Variants in ACO1 observed in about 807,000 individuals in gnomAD.
ACO1 encodes the protein cytoplasmic aconitate hydratase.
ACO1 carries 78 observed loss-of-function variants against 105.1 expected under a neutral mutation model. That is an observed-to-expected ratio of 0.74 (90% CI 0.62 to 0.90). The LOEUF is 0.90. Among genes scored for constraint, ACO1 ranks in the 40% least tolerant of loss-of-function variants. The pLI is 0.00. For missense variants in ACO1, 965 were observed against 1,111.1 expected, an observed-to-expected ratio of 0.87 and a Z score of 1.87; for synonymous variants, 364 against 397.4, an observed-to-expected ratio of 0.92 and a Z score of 1.00.
rs1291243855 is a variant in ACO1, at chr9:32,439,369, C to T, written c.2248-1096C>T. Among the ~76,000 whole-genome samples, 1 of 152,134 alleles carries T rather than the reference C, an allele frequency of 6.6e-6. No individual in the cohort carries two copies. Among genetic ancestry groups the T allele is most frequent in the Admixed American group, 6.5e-5 (1 of 15,270 alleles). On this transcript the variant is annotated intron_variant, in intron 18 of 20. Transcript: ENST00000309951. The surrounding 1 kb of genome is among the most constrained non-coding windows in gnomAD (Gnocchi z 4.0). ...CCTATCCGGGTTTAGGTAATGCATGCGAAATTAACCACAGGTTCCATCAGT... is the reference window on the plus strand; with the variant it reads ...CCTATCCGGGTTTAGGTAATGCATGTGAAATTAACCACAGGTTCCATCAGT...
intron 1 of ACO1, among the ~76,000 whole-genome samples, chr9:32,395,132 T>C (rs980148479): frequency 1.3e-5 from 2 of 151,982 alleles, no homozygotes; most frequent in Admixed American, 6.6e-5. Context: ...TTTGTAATAC[T>C]TTTTTTTGAA....
rs1426445003 is a variant in ACO1 at position 32,399,946 on chromosome 9, T to C, written c.-22-5539T>C. On this transcript the variant is annotated intron_variant, in intron 1 of 20. Transcript: ENST00000309951. ...TGTTGCTACAGTGAGCATCTATTTCTTTTATTTTTTTCTTTTTCTGTTTTT... is the reference window on the plus strand; with the variant it reads ...TGTTGCTACAGTGAGCATCTATTTCCTTTATTTTTTTCTTTTTCTGTTTTT... Among the ~76,000 whole-genome samples, 3 of 149,150 alleles carry C rather than the reference T, an allele frequency of 2.0e-5. No homozygotes were observed. The South Asian group carries it at 6.3e-4, about 31-fold the overall frequency.
intron 18 of ACO1, 136 bp downstream of exon 18, chr9:32,436,533 C>A: frequency 1.0e-6 from 1 of 969,524 alleles, no homozygotes; most frequent in Non-Finnish European, 1.6e-6. Context: ...GTCCTCCTTG[C>A]CAGGTGTCCA....
intron 1 of ACO1, among the ~76,000 whole-genome samples, chr9:32,392,141 TA>T (rs942936801): frequency 3.3e-5 from 5 of 152,204 alleles, no homozygotes; most frequent in Admixed American, 6.5e-5. Context: ...AAATGAGATT[TA>T]TTTTTTTTAA....
Position 32,408,516 on chromosome 9 carries a change from G to A in ACO1, c.269G>A (p.Gly90Asp), listed in dbSNP as rs1821663683. Residue 90 changes from glycine (G) to aspartate (D), a missense_variant and splice_region_variant, in exon 4 of 21, where the codon GGT becomes GAT. Physicochemically the swap from Gly to Asp is moderately conservative, Grantham distance 94. Coordinates refer to ENST00000309951, the MANE Select transcript of ACO1 (RefSeq NM_002197.3). ...PARVILQDFTGVPAVVDFAAM... is the reference protein window; with the variant it reads ...PARVILQDFTDVPAVVDFAAM... Reference sequence around the variant, plus strand: ...CATTATTCTCTTTCTTCTCTTAGGGGTGTGCCCGCTGTGGTTGACTTTGCT... The same window carrying A: ...CATTATTCTCTTTCTTCTCTTAGGGATGTGCCCGCTGTGGTTGACTTTGCT... 1.2e-6 allele frequency: 2 copies of A among 1,614,038 alleles called. No homozygotes were observed. The highest frequency in any genetic ancestry group is 1.7e-6 in the Non-Finnish European group (2 of 1,179,986).
In ACO1 at chr9:32,409,668, C is replaced by T. The variant is rs1587525340; in HGVS notation, c.404+1017C>T. Among the ~76,000 whole-genome samples the T allele has an allele frequency of 2.0e-5, 3 of 151,802 alleles. No homozygotes were observed. The South Asian group carries it at 6.2e-4, about 32-fold the overall frequency. ...GAGTTTGATACCAGCCTGGGCAACA[C>T]AGGAAGACCATATCTCTACAAATAA... On this transcript the variant is annotated intron_variant, in intron 4 of 20. Transcript: ENST00000309951.
At chr9:32,398,423 G>A (rs1015291113) in intron 1 of ACO1, among the ~76,000 whole-genome samples, 2 of 152,186 alleles carry the variant, frequency 1.3e-5, no homozygotes, top group Non-Finnish European at 2.9e-5. Context: ...AGCTGGGTGG[G>A]TGTATGGGCT....
intron 4 of ACO1, among the ~76,000 whole-genome samples, chr9:32,415,784 A>C (rs1180895868): frequency 6.6e-6 from 1 of 152,180 alleles, no homozygotes; most frequent in Non-Finnish European, 1.5e-5. Flanking sequence ...TCATTCACTC[A>C]GGCAGGGATC....
intron 19 of ACO1, among the ~76,000 whole-genome samples, chr9:32,443,306 A>G (rs569878646): frequency 1.3e-5 from 2 of 152,294 alleles, no homozygotes; most frequent in Admixed American, 6.5e-5. Context: ...CCTTCAGTCT[A>G]GAAGATGTAT....
intron 1 of ACO1, among the ~76,000 whole-genome samples, chr9:32,390,447 C>T (rs180972977): frequency 9.5e-4 from 144 of 152,336 alleles, no homozygotes; most frequent in Middle Eastern, 3.4e-3. Context: ...TTATAACCCT[C>T]ATCCTATTGT....
chr9:32,397,294 C>T (rs1821393535), intron 1 of ACO1, among the ~76,000 whole-genome samples: 1 of 152,158 alleles, frequency 6.6e-6, no homozygotes, highest in Non-Finnish European at 1.5e-5. Context: ...GTGACTTCTC[C>T]TTCAAAGTTC....
intron 4 of ACO1, among the ~76,000 whole-genome samples, chr9:32,410,366 G>A (rs565048917): frequency 3.3e-4 from 50 of 152,172 alleles, no homozygotes; most frequent in African/African-American, 1.2e-3. Flanking sequence ...AGACCATCCT[G>A]GCAAACATGT....
chr9:32,398,273 T>C (rs908116523), intron 1 of ACO1, among the ~76,000 whole-genome samples: 16 of 152,056 alleles, frequency 1.1e-4, no homozygotes, highest in African/African-American at 3.9e-4. Context: ...CCCTAAAAGG[T>C]GAATCTTATT....
chr9:32,400,534 T>A (rs1821473832), intron 1 of ACO1, among the ~76,000 whole-genome samples: 1 of 152,218 alleles, frequency 6.6e-6, no homozygotes, highest in Non-Finnish European at 1.5e-5. Flanking sequence ...GGGAGCAAAG[T>A]GGACTTTATC....
chr9:32,393,880 G>A (rs577078476), intron 1 of ACO1, among the ~76,000 whole-genome samples: 9 of 152,090 alleles, frequency 5.9e-5, no homozygotes, highest in South Asian at 2.1e-4. Context: ...TAATAACACC[G>A]TAACCTGCCT....
intron 15 of ACO1, among the ~76,000 whole-genome samples, chr9:32,432,370 T>G (rs2118519165): frequency 6.6e-6 from 1 of 152,294 alleles, no homozygotes; most frequent in Admixed American, 6.5e-5. Flanking sequence ...TGGATATTAT[T>G]CCTTTCCCCG....
chr9:32,400,586 T>G (rs1821475071), intron 1 of ACO1, among the ~76,000 whole-genome samples: 1 of 152,218 alleles, frequency 6.6e-6, no homozygotes, highest in African/African-American at 2.4e-5. Context: ...TCACCAGTCA[T>G]TATTAAAGAA....
chr9:32,425,754 T>C (rs1478522532), intron 10 of ACO1, 84 bp from the exon 11 acceptor site: 3 of 945,734 alleles, frequency 3.2e-6, no homozygotes, highest in African/African-American at 1.7e-5. Flanking sequence ...CTGTTGACTA[T>C]ATGTATGTAT....
chr9:32,449,921 AGGCTG>A (rs1822718569), intron 20 of ACO1, 72 bp from the exon 21 acceptor site: 1 of 1,127,984 alleles, frequency 8.9e-7, no homozygotes, highest in Non-Finnish European at 1.3e-6. Context: ...CCTGAGGGGC[AGGCTG>A]GGCAGAATTT....
Sources: allele counts gnomAD v4.1 joint callset (sites outside exome capture counted in the v4.1 genomes callset), GRCh38; gene constraint gnomAD v4.1.1; non-coding constraint Gnocchi (gnomAD v3.1); transcripts MANE v1.5; gene names NCBI Gene and HGNC (gene_info 2026-07-23, HGNC 2026-07-21).